Variants in KIF26B observed in about 807,000 individuals in gnomAD.
KIF26B encodes the protein kinesin-like protein KIF26B.
In KIF26B, 63 loss-of-function variants were observed where a neutral mutation model predicts 151.2. The ratio of observed to expected loss-of-function variants is 0.42; its 90% CI spans 0.34 to 0.51. The LOEUF (loss-of-function observed/expected upper bound fraction) is 0.51, where lower values mean the gene tolerates loss of function less well. Among genes scored for constraint, KIF26B ranks in the 20% least tolerant of loss-of-function variants. The pLI, the probability that KIF26B is intolerant of heterozygous loss-of-function variation, is 0.07. For synonymous variants in KIF26B, 1,357 were observed against 1,262.1 expected (o/e 1.08, Z -1.59); for missense variants, 2,813 against 2,913.6 (o/e 0.97, Z 0.79).
At chr1:245,485,200 G>T (rs1372845293) in intron 4 of KIF26B, among the ~76,000 whole-genome samples, 2 of 152,108 alleles carry the variant, frequency 1.3e-5, no homozygotes, top group Admixed American at 6.6e-5. Flanking sequence ...GATTACCAGG[G>T]GATGTGGGGA....
chr1:245,516,958 C>A lies in KIF26B; in HGVS notation c.1167-23809C>A, dbSNP rs1322109493. 6.6e-6 allele frequency among the ~76,000 whole-genome samples: 1 copy of A among 152,224 alleles called. No individual in the cohort carries two copies. The highest frequency in any genetic ancestry group is 1.5e-5 in the Non-Finnish European group (1 of 68,044). Reference sequence around the variant, plus strand: ...ACAGCTCCACGGCTGCTGCTTTCACCCCCACCTGACCATGGTCGCAGTGGG... The same window carrying A: ...ACAGCTCCACGGCTGCTGCTTTCACACCCACCTGACCATGGTCGCAGTGGG... On this transcript the variant is annotated intron_variant, in intron 4 of 14. Transcript: ENST00000407071. The surrounding 1 kb of genome is among the most constrained non-coding windows in gnomAD (Gnocchi z 4.2).
intron 10 of KIF26B, among the ~76,000 whole-genome samples, chr1:245,650,455 C>T (rs752721389): frequency 3.3e-5 from 5 of 152,226 alleles, no homozygotes; most frequent in Admixed American, 1.3e-4. Context: ...CTTCGGCTAA[C>T]GGGTGTTATG....
intron 2 of KIF26B, among the ~76,000 whole-genome samples, chr1:245,285,584 C>A (rs7528364): frequency 6.7e-6 from 1 of 149,958 alleles, no homozygotes; most frequent in Non-Finnish European, 1.5e-5. Context: ...GTATGTTCAT[C>A]TCTACTCCTG....
chr1:245,390,822 A>G (rs757670730), intron 3 of KIF26B, among the ~76,000 whole-genome samples: 2 of 148,774 alleles, frequency 1.3e-5, no homozygotes, highest in African/African-American at 4.9e-5. Context: ...ATGATGGTAC[A>G]TGCCTTTAGT....
chr1:245,204,378 C>CT (rs11350122), intron 2 of KIF26B, among the ~76,000 whole-genome samples: 7,698 of 146,472 alleles, frequency 0.053, 244 homozygotes, highest in African/African-American at 0.092. Flanking sequence ...TAAGATCTCT[C>CT]TTTTTTTTTT....
At chr1:245,591,446 C>T (rs1453100538) in intron 5 of KIF26B, among the ~76,000 whole-genome samples, 1 of 152,122 alleles carries the variant, frequency 6.6e-6, no homozygotes, top group Non-Finnish European at 1.5e-5. Context: ...TTATTATGGC[C>T]GATTTATAGA....
chr1:245,426,150 CTG>C (rs1306169231), intron 4 of KIF26B, among the ~76,000 whole-genome samples: 1 of 152,076 alleles, frequency 6.6e-6, no homozygotes, highest in Non-Finnish European at 1.5e-5. Context: ...ATTATTGACT[CTG>C]TTACATTAGT....
chr1:245,505,001 C>T (rs548779151), intron 4 of KIF26B, among the ~76,000 whole-genome samples: 1 of 152,186 alleles, frequency 6.6e-6, no homozygotes, highest in East Asian at 1.9e-4. Flanking sequence ...TGCAATGGCA[C>T]ACTCTTGGCT....
At chr1:245,178,481 A>T (rs1668847325) in intron 2 of KIF26B, among the ~76,000 whole-genome samples, 1 of 152,118 alleles carries the variant, frequency 6.6e-6, no homozygotes, top group African/African-American at 2.4e-5. Flanking sequence ...AAATATGTAT[A>T]GCATAAAATT....
intron 9 of KIF26B, among the ~76,000 whole-genome samples, chr1:245,624,588 T>C (rs2043703187): frequency 6.6e-6 from 1 of 152,224 alleles, no homozygotes; most frequent in African/African-American, 2.4e-5. Context: ...CTTCAAATCT[T>C]CTGTCCTTTT....
At position 245,343,018 on chromosome 1, in the gene KIF26B, G is replaced by A. The variant is rs111235372; in HGVS notation, c.466-23816G>A. 7.8e-3 allele frequency among the ~76,000 whole-genome samples: 1,161 copies of A among 149,804 alleles called. 18 individuals are homozygous for A. The highest frequency in any genetic ancestry group is 0.025 in the African/African-American group (1,009 of 40,606). ...GGAGAATTGCTTTAAGCTGGGAGGC[G>A]GAGCTTGCAGTGAGCCGAGATCACA... On this transcript the variant is annotated intron_variant, in intron 2 of 14. Coordinates refer to ENST00000407071, the MANE Select transcript of KIF26B (RefSeq NM_018012.4).
rs34401122 is a variant in KIF26B at position 245,642,562 on chromosome 1, G to GAA, written c.2099-3533_2099-3532dup. On this transcript the variant is annotated intron_variant, in intron 9 of 14. Transcript: ENST00000407071. ...GGGGACAGAGCGAGACTCCGTCTCA[G>GAA]AAAAAAAAAAAAAAAAAAAAAAAAA... 3.4e-4 allele frequency among the ~76,000 whole-genome samples: 25 copies of GAA among 73,036 alleles called. No individual in the cohort carries two copies. The South Asian group carries it at 4.2e-3, about 12-fold the overall frequency. The allele number at this position is 73,036 out of a possible 152,430, so 47.9% of individuals were successfully genotyped here.
At chr1:245,622,726 C>T (rs947378101) in intron 9 of KIF26B, among the ~76,000 whole-genome samples, 5 of 152,166 alleles carry the variant, frequency 3.3e-5, no homozygotes, top group African/African-American at 1.2e-4. Context: ...TAACAGGAGG[C>T]AGGCCAGGTA....
At chr1:245,448,460 T>G (rs1659297778) in intron 4 of KIF26B, among the ~76,000 whole-genome samples, 1 of 152,228 alleles carries the variant, frequency 6.6e-6, no homozygotes, top group Non-Finnish European at 1.5e-5. Context: ...TCTGCCCACC[T>G]GGGCCTCCCA....
At chr1:245,458,345 G>A (rs898668876) in intron 4 of KIF26B, among the ~76,000 whole-genome samples, 2 of 152,134 alleles carry the variant, frequency 1.3e-5, no homozygotes, top group African/African-American at 4.8e-5. Context: ...CCAACAAACC[G>A]AAGCAGCCTT....
Position 245,685,579 on chromosome 1 carries a change from A to G in KIF26B, c.2596A>G (p.Ile866Val). Reference sequence around the variant, plus strand: ...CAGCGAGCAGTCCTGCGACACCGTCATCTACATCGGGCCCAACGGCACGGC... The same window carrying G: ...CAGCGAGCAGTCCTGCGACACCGTCGTCTACATCGGGCCCAACGGCACGGC... The part of the protein sequence containing the change: ...SSSEQSCDTV[I>V]YIGPNGTALS... Residue 866 changes from isoleucine (I) to valine (V), a missense_variant, in exon 12 of 15, where the codon ATC becomes GTC. Coordinates refer to ENST00000407071, the MANE Select transcript of KIF26B (RefSeq NM_018012.4). 4.3e-6 allele frequency: 7 copies of G among 1,613,860 alleles called. No individual in the cohort carries two copies. Among genetic ancestry groups the G allele is most frequent in the Admixed American group, 1.7e-5 (1 of 60,030 alleles).
intron 5 of KIF26B, among the ~76,000 whole-genome samples, chr1:245,566,359 C>G (rs1181382340): frequency 6.6e-6 from 1 of 152,238 alleles, no homozygotes; most frequent in Admixed American, 6.5e-5. Flanking sequence ...CTACCTTTCA[C>G]CCAAAAGAAC....
chr1:245,655,789 G>A (rs1161803777), intron 10 of KIF26B, among the ~76,000 whole-genome samples: 3 of 152,200 alleles, frequency 2.0e-5, no homozygotes, highest in Non-Finnish European at 2.9e-5. Flanking sequence ...TTTAATGCTG[G>A]AGTAAAACTT....
intron 2 of KIF26B, among the ~76,000 whole-genome samples, chr1:245,189,909 G>A (rs1434919804): frequency 1.3e-5 from 2 of 152,212 alleles, no homozygotes; most frequent in Non-Finnish European, 2.9e-5. Flanking sequence ...AGACAAGAGA[G>A]AAAGAGAGTG....
Sources: allele counts gnomAD v4.1 joint callset (sites outside exome capture counted in the v4.1 genomes callset), GRCh38; gene constraint gnomAD v4.1.1; non-coding constraint Gnocchi (gnomAD v3.1); transcripts MANE v1.5; gene names NCBI Gene and HGNC (gene_info 2026-07-23, HGNC 2026-07-21).